The following RUNDC3A variants were observed in gnomAD, a reference collection of about 807,000 sequenced individuals.
RUNDC3A encodes RUN domain-containing protein 3A.
Under a neutral mutation model 53.9 loss-of-function variants are expected in RUNDC3A, and 28 were observed. The ratio of observed to expected loss-of-function variants is 0.52; its 90% CI spans 0.38 to 0.71. The LOEUF is 0.71. Among genes scored for constraint, RUNDC3A ranks in the 30% least tolerant of loss-of-function variants. RUNDC3A has a pLI of 0.00. For missense variants in RUNDC3A, 491 were observed against 597.3 expected (o/e 0.82, Z 1.85); for synonymous variants, 232 against 249.4 (o/e 0.93, Z 0.66).
chr17:44,314,633 TC>T (rs1301724135), intron 4 of RUNDC3A, 101 bp from the exon 5 acceptor site: 715 of 1,492,184 alleles, frequency 4.8e-4, no homozygotes, highest in Non-Finnish European at 6.1e-4. Context: ...GAATTGGCCT[TC>T]CTTCAGGATG....
At chr17:44,314,547 G>A (rs1026893364) in intron 4 of RUNDC3A, 188 bp from the exon 5 acceptor site, 2 of 1,432,530 alleles carry the variant, frequency 1.4e-6, no homozygotes, top group Admixed American at 2.8e-5. Context: ...ACCCATTCTA[G>A]GTGATGGGGC....
In RUNDC3A at chr17:44,316,648, C is replaced by T; in HGVS notation, c.1121C>T (p.Ser374Leu). 1 of 1,550,858 alleles carries T rather than the reference C, an allele frequency of 6.4e-7. No homozygotes were observed. Among genetic ancestry groups the T allele is most frequent in the African/African-American group, 1.4e-5 (1 of 73,162 alleles). ...AGCTTCATGAGCACGGAGCCGCTGT[C>T]AGCTGAAGCCAGTCTGAGCTCGGAC... ...RHSFMSTEPL[S>L]AEASLSSDSQ... Residue 374 changes from serine (S) to leucine (L), a missense_variant, in exon 10 of 11, where the codon TCA becomes TTA. Transcript: ENST00000426726.
intron 2 of RUNDC3A, 28 bp from the exon 3 acceptor site, chr17:44,313,076 G>C (rs369743304): frequency 8.1e-6 from 13 of 1,611,158 alleles, no homozygotes; most frequent in Non-Finnish European, 1.1e-5. Context: ...CCCTGGTCTT[G>C]CTGAGCCCCC....
intron 10 of RUNDC3A, chr17:44,317,872 G>T (rs113221336): frequency 0.024 from 14,069 of 593,452 alleles, 234 homozygotes; most frequent in Non-Finnish European, 0.033. Flanking sequence ...TGACCCTCAC[G>T]GGGAGACAGA....
intron 1 of RUNDC3A, chr17:44,311,560 T>C (rs1464777592): frequency 6.2e-6 from 1 of 160,792 alleles, no homozygotes; most frequent in Non-Finnish European, 1.3e-5. Context: ...TTATAGGGCT[T>C]GATAAATATA....
chr17:44,314,685 G>GA, intron 4 of RUNDC3A, 50 bp from the exon 5 acceptor site: 2 of 1,217,530 alleles, frequency 1.6e-6, no homozygotes, highest in Non-Finnish European at 1.1e-6. Flanking sequence ...GGGGGGGGGG[G>GA]GGGCGCTCCA....
At chr17:44,313,547 C>T (rs755159440) in intron 4 of RUNDC3A, 44 bp downstream of exon 4, 1 of 1,582,000 alleles carries the variant, frequency 6.3e-7, no homozygotes, top group Non-Finnish European at 8.6e-7. Flanking sequence ...TCAGAGTGCA[C>T]CTGCATTGCC....
chr17:44,309,449 G>A (rs960707962), intron 1 of RUNDC3A, among the ~76,000 whole-genome samples: 2 of 152,196 alleles, frequency 1.3e-5, no homozygotes, highest in Non-Finnish European at 2.9e-5. Context: ...AGGGAAGGGT[G>A]AGGGGCACCA....
chr17:44,318,322 G>C lies in RUNDC3A; in HGVS notation c.*84G>C, dbSNP rs1441276553. The C allele has an allele frequency of 2.4e-5, 34 of 1,424,684 alleles. No homozygotes were observed. The highest frequency in any genetic ancestry group is 3.2e-5 in the Non-Finnish European group (33 of 1,044,834). The allele number at this position is 1,424,684 out of a possible 1,614,324, so 88.3% of individuals were successfully genotyped here. ...TCTTCAACAAGAGTCCCCCAATCCA[G>C]GCTACCCTTCCAGAGAACGCTACCC... On this transcript the variant is annotated 3_prime_UTR_variant, in exon 11 of 11. Transcript: ENST00000426726.
chr17:44,315,739 C>T lies in RUNDC3A; in HGVS notation c.953+130C>T, dbSNP rs1207168389. On this transcript the variant is annotated intron_variant, in intron 8 of 10. Coordinates refer to ENST00000426726, the MANE Select transcript of RUNDC3A (RefSeq NM_001144825.2). This position sits in a 1 kb window ranked among gnomAD's most constrained non-coding sequence, Gnocchi z 6.1. ...CACCCACCTCTCCAGCATCAACCCT[C>T]TGATCCAGCCAGCCCCACCCCGAGA... The T allele has an allele frequency of 1.2e-6, 1 of 837,538 alleles. No homozygotes were observed. Among genetic ancestry groups the T allele is most frequent in the African/African-American group, 1.8e-5 (1 of 55,858 alleles). 51.9% of individuals were successfully genotyped at this position (837,538 alleles called of 1,614,324 possible). A position where few individuals can be genotyped will look rare whatever the true frequency, so the allele number is the denominator to read the frequency against.
intron 1 of RUNDC3A, among the ~76,000 whole-genome samples, chr17:44,311,913 C>A (rs1014143730): frequency 6.6e-6 from 1 of 152,104 alleles, no homozygotes; most frequent in Non-Finnish European, 1.5e-5. Flanking sequence ...ATACCCCGCA[C>A]CTCCCCACCC....
At chr17:44,309,583 G>C (rs1049907215) in intron 1 of RUNDC3A, among the ~76,000 whole-genome samples, 1 of 152,056 alleles carries the variant, frequency 6.6e-6, no homozygotes, top group Non-Finnish European at 1.5e-5. Context: ...CCGTGATTGC[G>C]GGGCCCAGGA....
Position 44,308,795 on chromosome 17 carries a change from G to A in RUNDC3A, c.-38G>A, listed in dbSNP as rs1257961504. ...GGTTTGGGGCTCCGGGAGGGGTGGG[G>A]GGGCAGCGGGCGGCGGCAGCAGTGG... is the stretch of plus-strand genomic sequence containing the variant. On this transcript the variant is annotated 5_prime_UTR_variant, in exon 1 of 11. Transcript: ENST00000426726. 1 of 1,425,620 alleles carries A rather than the reference G, an allele frequency of 7.0e-7. No individual in the cohort carries two copies. 88.3% of individuals were successfully genotyped at this position (1,425,620 alleles called of 1,614,324 possible). A position where few individuals can be genotyped will look rare whatever the true frequency, so the allele number is the denominator to read the frequency against.
chr17:44,311,110 G>T, intron 1 of RUNDC3A: 1 of 985,620 alleles, frequency 1.0e-6, no homozygotes, highest in Non-Finnish European at 1.2e-6. Context: ...TTTGAATCCA[G>T]CAGGCTGCCT....
chr17:44,310,963 G>T, intron 1 of RUNDC3A: 2 of 985,534 alleles, frequency 2.0e-6, no homozygotes, highest in Non-Finnish European at 2.4e-6. Context: ...GCGGCCCTAG[G>T]CACCTACCTT....
At chr17:44,310,289 G>A (rs956720595) in intron 1 of RUNDC3A, among the ~76,000 whole-genome samples, 1 of 151,924 alleles carries the variant, frequency 6.6e-6, no homozygotes, top group African/African-American at 2.4e-5. Context: ...AATGAAAATG[G>A]CACCATCCAT....
chr17:44,311,525 C>A, intron 1 of RUNDC3A: 1 of 181,932 alleles, frequency 5.5e-6, no homozygotes, highest in Non-Finnish European at 1.1e-5. Context: ...TAAGGGAATG[C>A]ATGCAAAGTA....
At position 44,315,083 on chromosome 17, in the gene RUNDC3A, G is replaced by T. The variant is rs1003100245; in HGVS notation, c.630-72G>T. ...ATCCTGGGGACGTCCTGGTCCCACCGCCCTCAGCGGCCAGCGCAGACGCGC... is the reference window on the plus strand; with the variant it reads ...ATCCTGGGGACGTCCTGGTCCCACCTCCCTCAGCGGCCAGCGCAGACGCGC... On this transcript the variant is annotated intron_variant, in intron 6 of 10. Coordinates refer to ENST00000426726, the MANE Select transcript of RUNDC3A (RefSeq NM_001144825.2). The surrounding 1 kb of genome is among the most constrained non-coding windows in gnomAD (Gnocchi z 6.1). The T allele has an allele frequency of 1.2e-6, 2 of 1,607,852 alleles. No homozygotes were observed. Among genetic ancestry groups the T allele is most frequent in the African/African-American group, 1.3e-5 (1 of 74,760 alleles).
Position 44,316,685 on chromosome 17 carries a change from G to C in RUNDC3A, c.1158G>C (p.Leu386=). Residue 386 remains leucine, a synonymous_variant, in exon 10 of 11, where the codon CTG becomes CTC. Transcript: ENST00000426726. ...EASLSSDSQR[L]GEGTRDEEPW... is the part of the protein sequence containing the mutation. Reference sequence around the variant, plus strand: ...GTCTGAGCTCGGACTCCCAGCGCCTGGGAGAGGGCACGCGGGACGAGGAGC... The same window carrying C: ...GTCTGAGCTCGGACTCCCAGCGCCTCGGAGAGGGCACGCGGGACGAGGAGC... The C allele has an allele frequency of 6.5e-7, 1 of 1,550,318 alleles. No individual in the cohort carries two copies. Among genetic ancestry groups the C allele is most frequent in the Non-Finnish European group, 8.7e-7 (1 of 1,146,960 alleles).
Sources: gnomAD v4.1 joint callset for allele counts (sites outside exome capture counted in the v4.1 genomes callset) on GRCh38, gnomAD v4.1.1 for gene constraint, Gnocchi (gnomAD v3.1) non-coding constraint, MANE v1.5 for transcripts, NCBI Gene and HGNC (gene_info 2026-07-23, HGNC 2026-07-21) for gene names.